Variants in KLHL3 observed in about 807,000 individuals in gnomAD.
KLHL3 encodes kelch like family member 3.
Under a neutral mutation model 70.5 loss-of-function variants are expected in KLHL3, and 19 were observed. That is an observed-to-expected ratio of 0.27 (90% confidence interval 0.19 to 0.40). KLHL3 has a LOEUF of 0.40. KLHL3 is among the 10% of genes least tolerant of loss of function. The pLI, the probability that KLHL3 is intolerant of heterozygous loss-of-function variation, is 1.00. For synonymous variants in KLHL3, 258 were observed against 290.3 expected (o/e 0.89, Z 1.13); for missense variants, 512 against 771.1 (o/e 0.66, Z 3.98).
rs1387382636 is a variant in KLHL3 at position 137,620,760 on chromosome 5, G to A, written c.*1338C>T. On this transcript the variant is annotated 3_prime_UTR_variant, in exon 15 of 15. Coordinates refer to ENST00000309755, the MANE Select transcript of KLHL3 (RefSeq NM_017415.3). ...ACCAAGCTCCCTTTTTAAAATGCAA[G>A]CACATCTTAGGAAGCCTCAAATCCA... 1 of 152,166 alleles carries A rather than the reference G, an allele frequency of 6.6e-6. No homozygotes were observed. The highest frequency in any genetic ancestry group is 1.5e-5 in the Non-Finnish European group (1 of 68,032). The allele number at this position is 152,166 out of a possible 1,614,324, so 9.4% of individuals were successfully genotyped here. A position where few individuals can be genotyped will look rare whatever the true frequency, so the allele number is the denominator to read the frequency against.
At chr5:137,625,652 T>A in intron 14 of KLHL3, 101 bp downstream of exon 14, 1 of 1,413,552 alleles carries the variant, frequency 7.1e-7, no homozygotes, top group East Asian at 2.3e-5. Flanking sequence ...AGGCCCAAGT[T>A]AAGCAAGCTC....
At position 137,720,390 on chromosome 5, in the gene KLHL3, C is replaced by T. The variant is rs1752975551; in HGVS notation, c.134+75G>A. 5.1e-6 allele frequency: 8 copies of T among 1,577,814 alleles called. No individual in the cohort carries two copies. In the Admixed American group the frequency reaches 6.7e-5, roughly 13 times the overall value. ...AATTCCCTAGGTGGTCATGTTCTGA[C>T]TTCTGTTCTCAGTCCTTGATGAAGC... On this transcript the variant is annotated intron_variant, in intron 2 of 14. Coordinates refer to ENST00000309755, the MANE Select transcript of KLHL3 (RefSeq NM_017415.3).
chr5:137,697,535 A>G (rs1752474886), intron 4 of KLHL3, among the ~76,000 whole-genome samples: 1 of 152,206 alleles, frequency 6.6e-6, no homozygotes, highest in African/African-American at 2.4e-5. Flanking sequence ...GAAGAGATTA[A>G]AAGTCCCCAA....
In KLHL3 at chr5:137,732,311, C is replaced by T. The variant is rs1753191432; in HGVS notation, c.14+3322G>A. Among the ~76,000 whole-genome samples the T allele has an allele frequency of 2.0e-5, 3 of 151,924 alleles. No homozygotes were observed. The South Asian group carries it at 6.2e-4, about 32-fold the overall frequency. ...CTCCCATGGAGGGAACTGGGGAAGA[C>T]TTAGCATCATAAGGTCCAGGAGAGA... is the stretch of plus-strand genomic sequence containing the variant. On this transcript the variant is annotated intron_variant, in intron 1 of 14. Coordinates refer to ENST00000309755, the MANE Select transcript of KLHL3 (RefSeq NM_017415.3).
chr5:137,718,570 A>C (rs1752939483), intron 2 of KLHL3, among the ~76,000 whole-genome samples: 1 of 152,238 alleles, frequency 6.6e-6, no homozygotes. Flanking sequence ...TTGTGTACAT[A>C]TCTATTCCTA....
chr5:137,683,771 C>G (rs199992849), intron 5 of KLHL3, among the ~76,000 whole-genome samples: 1 of 65,740 alleles, frequency 1.5e-5, no homozygotes, highest in Non-Finnish European at 3.4e-5. Flanking sequence ...CTCTTTCTCT[C>G]TCTCTCTCTC....
intron 5 of KLHL3, among the ~76,000 whole-genome samples, chr5:137,689,998 C>T (rs1211364924): frequency 3.9e-5 from 6 of 152,214 alleles, no homozygotes; most frequent in African/African-American, 9.6e-5. Flanking sequence ...CATCTAAGCA[C>T]TCTCCCTTTG....
At position 137,617,843 on chromosome 5, in the gene KLHL3, C is replaced by T. The variant is rs1756269202; in HGVS notation, c.*4255G>A. 2.0e-5 allele frequency: 3 copies of T among 151,942 alleles called. No homozygotes were observed. The highest frequency in any genetic ancestry group is 1.3e-4 in the Admixed American group (2 of 15,246). 9.4% of individuals were successfully genotyped at this position (151,942 alleles called of 1,614,324 possible). On this transcript the variant is annotated 3_prime_UTR_variant, in exon 15 of 15. Coordinates refer to ENST00000309755, the MANE Select transcript of KLHL3 (RefSeq NM_017415.3). ...TAATATGCAAATTAAACAAGAAGTA[C>T]AACAAGGGTCCTCTATTGCCACTGA...
Position 137,698,288 on chromosome 5 carries a change from T to C in KLHL3, c.362A>G (p.Gln121Arg). The change falls in exon 4 of 15, where the codon CAG (glutamine) becomes CGG (arginine). Residue 121 changes from glutamine to arginine, a missense_variant and splice_region_variant. Coordinates refer to ENST00000309755, the MANE Select transcript of KLHL3 (RefSeq NM_017415.3). ...AEIEVTEENV[Q>R]VLLPAASLLQ... is the part of the protein sequence containing the mutation. The stretch of plus-strand genomic sequence containing the variant: ...AGCTATTAGTGAGCCTGAGTTTACC[T>C]GGACATTCTCTTCAGTCACCTCGAT... 2 of 1,614,224 alleles carry C rather than the reference T, an allele frequency of 1.2e-6. No homozygotes were observed. The highest frequency in any genetic ancestry group is 1.7e-6 in the Non-Finnish European group (2 of 1,180,028).
intron 2 of KLHL3, among the ~76,000 whole-genome samples, chr5:137,712,134 G>A (rs942743516): frequency 2.1e-5 from 3 of 144,876 alleles, no homozygotes; most frequent in African/African-American, 7.9e-5. Flanking sequence ...ACTCCAGCCT[G>A]GGTGACAGAG....
chr5:137,690,908 G>A (rs1752304784), intron 5 of KLHL3, among the ~76,000 whole-genome samples: 1 of 152,148 alleles, frequency 6.6e-6, no homozygotes, highest in Non-Finnish European at 1.5e-5. Context: ...GTGTTTTATT[G>A]CAAGGGAAGA....
intron 11 of KLHL3, among the ~76,000 whole-genome samples, 184 bp downstream of exon 11, chr5:137,637,110 G>T (rs1750785629): frequency 6.6e-6 from 1 of 152,076 alleles, no homozygotes; most frequent in Non-Finnish European, 1.5e-5. Context: ...CTTGGGCCAG[G>T]AGCTCCACCA....
intron 14 of KLHL3, 108 bp from the exon 15 acceptor site, chr5:137,622,234 T>C: frequency 1.5e-6 from 2 of 1,325,382 alleles, no homozygotes; most frequent in Non-Finnish European, 2.2e-6. Context: ...AAGGGAAATG[T>C]GTGCAATTTT....
At chr5:137,662,460 G>A (rs1266622303) in intron 6 of KLHL3, among the ~76,000 whole-genome samples, 2 of 152,136 alleles carry the variant, frequency 1.3e-5, no homozygotes, top group Non-Finnish European at 2.9e-5. Flanking sequence ...CCATGCCCCC[G>A]TTTCCTCACT....
intron 8 of KLHL3, chr5:137,647,449 G>A (rs2149889943): frequency 4.4e-6 from 2 of 457,532 alleles, no homozygotes; most frequent in South Asian, 3.1e-5. Context: ...GGACTACATA[G>A]GTCATTCAAA....
Position 137,620,153 on chromosome 5 carries a change from T to G in KLHL3, c.*1945A>C, listed in dbSNP as rs1756354171. ...CAGAGCACTCAACTAAAACATGCCT[T>G]GCTTCCTTTGGAGACATTTCTTCCA... On this transcript the variant is annotated 3_prime_UTR_variant, in exon 15 of 15. Transcript: ENST00000309755. 1 of 152,236 alleles carries G rather than the reference T, an allele frequency of 6.6e-6. No individual in the cohort carries two copies. The highest frequency in any genetic ancestry group is 1.5e-5 in the Non-Finnish European group (1 of 68,044). 9.4% of individuals were successfully genotyped at this position (152,236 alleles called of 1,614,324 possible).
chr5:137,668,098 A>G (rs777730596), intron 6 of KLHL3, among the ~76,000 whole-genome samples: 3 of 152,142 alleles, frequency 2.0e-5, no homozygotes, highest in Non-Finnish European at 4.4e-5. Flanking sequence ...CATCTCAGAG[A>G]CACAATTAAT....
intron 4 of KLHL3, 95 bp downstream of exon 4, chr5:137,698,192 C>T: frequency 6.7e-7 from 1 of 1,482,250 alleles, no homozygotes; most frequent in South Asian, 1.2e-5. Context: ...CTTCAGTAAC[C>T]AACTGAATTG....
intron 3 of KLHL3, among the ~76,000 whole-genome samples, chr5:137,699,413 C>T (rs549990650): frequency 6.6e-6 from 1 of 152,132 alleles, no homozygotes; most frequent in South Asian, 2.1e-4. Context: ...GGACTTTATC[C>T]CAGGTGTAGC....
Sources: allele counts gnomAD v4.1 joint callset (sites outside exome capture counted in the v4.1 genomes callset), GRCh38; gene constraint gnomAD v4.1.1; transcripts MANE v1.5; gene names NCBI Gene and HGNC (gene_info 2026-07-23, HGNC 2026-07-21).